The following FUNDC2 variants were observed in gnomAD, a reference collection of about 807,000 sequenced individuals.
The protein encoded by FUNDC2 is FUN14 domain containing 2.
Under a neutral mutation model 15.6 loss-of-function variants are expected in FUNDC2, and 4 were observed. The ratio of observed to expected loss-of-function variants is 0.26; its 90% CI spans 0.13 to 0.59. FUNDC2 has a LOEUF of 0.59. FUNDC2 is among the 20% of genes least tolerant of loss of function. The probability of loss-of-function intolerance (pLI) is 0.90; values close to 1 mark genes in which losing one functional copy is unlikely to be tolerated. For synonymous variants in FUNDC2, 44 were observed against 56.9 expected, an observed-to-expected ratio of 0.77 and a Z score of 1.02; for missense variants, 98 against 149.7, an observed-to-expected ratio of 0.65 and a Z score of 1.80.
chrX:155,052,325 C>G (rs1569560232), intron 4 of FUNDC2, among the ~76,000 whole-genome samples: 1 of 112,314 alleles, frequency 8.9e-6, no homozygotes, highest in African/African-American at 3.2e-5. Flanking sequence ...AACCCCTGAT[C>G]TTGTTCATTA....
At chrX:155,027,120 G>C in intron 1 of FUNDC2, 49 bp downstream of exon 1, 1 of 1,060,544 alleles carries the variant, frequency 9.4e-7, no homozygotes, top group Non-Finnish European at 1.2e-6. Flanking sequence ...CCGCCTTCCT[G>C]GGCTCCGGAA....
At chrX:155,031,020 T>C (rs182440067) in intron 1 of FUNDC2, among the ~76,000 whole-genome samples, 34 of 111,639 alleles carry the variant, frequency 3.0e-4, no homozygotes, top group African/African-American at 1.1e-3. Flanking sequence ...ATTTTTTTCT[T>C]TGATTTTAAA....
chrX:155,051,914 T>C lies in FUNDC2; in HGVS notation c.492+113T>C, dbSNP rs1405514402. The C allele has an allele frequency of 8.0e-6, 6 of 753,934 alleles. No homozygotes were observed. The African/African-American group carries it at 1.3e-4, about 16-fold the overall frequency. The allele number at this position is 753,934 out of a possible 1,213,427, so 62.1% of individuals were successfully genotyped here. On this transcript the variant is annotated intron_variant, in intron 4 of 4. Coordinates refer to ENST00000369498, the MANE Select transcript of FUNDC2 (RefSeq NM_023934.4). ...CAGGGCTTAAGCATTACAAAGAACTTAGAGTAATGAGACAAAACTAACTTG... is the reference window on the plus strand; with the variant it reads ...CAGGGCTTAAGCATTACAAAGAACTCAGAGTAATGAGACAAAACTAACTTG...
chrX:155,050,862 G>C (rs1212140412), intron 3 of FUNDC2: 1 of 111,932 alleles, frequency 8.9e-6, no homozygotes, highest in African/African-American at 3.3e-5. Context: ...TCTCTAGTCT[G>C]TTTGGGTGAC....
chrX:155,054,574 T>C (rs1557290714), intron 4 of FUNDC2, 21 bp from the exon 5 acceptor site: 1 of 1,210,153 alleles, frequency 8.3e-7, no homozygotes, highest in Admixed American at 2.2e-5. Context: ...AACAACCCAT[T>C]GTACTATCTT....
At chrX:155,037,972 AT>A (rs1439228780) in intron 2 of FUNDC2, among the ~76,000 whole-genome samples, 1 of 110,428 alleles carries the variant, frequency 9.1e-6, no homozygotes, top group Non-Finnish European at 1.9e-5. Flanking sequence ...CACACCTTTA[AT>A]ACCAGCACTT....
intron 2 of FUNDC2, among the ~76,000 whole-genome samples, chrX:155,039,337 C>A (rs985352516): frequency 3.6e-5 from 4 of 112,106 alleles, no homozygotes; most frequent in Non-Finnish European, 7.5e-5. Flanking sequence ...CTTTGCTGTA[C>A]AGAAGCTTTT....
chrX:155,054,385 C>G (rs2073887457), intron 4 of FUNDC2: 1 of 748,440 alleles, frequency 1.3e-6, no homozygotes, highest in African/African-American at 2.3e-5. Context: ...TCTCCCCACA[C>G]CAGCCAGTAG....
chrX:155,058,889 A>G lies in FUNDC2; in HGVS notation c.*4217A>G, dbSNP rs2073918039. The G allele has an allele frequency of 9.0e-6, 1 of 111,199 alleles. No individual in the cohort carries two copies. The allele number at this position is 111,199 out of a possible 1,213,427, so 9.2% of individuals were successfully genotyped here. A position where few individuals can be genotyped will look rare whatever the true frequency, so the allele number is the denominator to read the frequency against. On this transcript the variant is annotated 3_prime_UTR_variant, in exon 5 of 5. Transcript: ENST00000369498. ...ATAAAGCTTTAAAGTCAGTTTACTG[A>G]CTTTTCAAAAGTGTCTACCTTTTTA...
Position 155,054,693 on chromosome X carries a change from T to C in FUNDC2, c.*21T>C. The C allele has an allele frequency of 8.5e-7, 1 of 1,178,803 alleles. No homozygotes were observed. The highest frequency in any genetic ancestry group is 1.2e-6 in the Non-Finnish European group (1 of 865,968). ...CCTAAGGAAGATGACCTCATGTTCA[T>C]TGTTCCTGGTTTTTTCCAGCCAGCA... On this transcript the variant is annotated 3_prime_UTR_variant, in exon 5 of 5. Transcript: ENST00000369498.
rs991834918 is a variant in FUNDC2 at position 155,054,734 on chromosome X, C to T, written c.*62C>T. On this transcript the variant is annotated 3_prime_UTR_variant, in exon 5 of 5. Transcript: ENST00000369498. ...CCAGCCAGCAGCCTCTACACTCCAT[C>T]ATAGGACATCGAGTCCCTCCTCCTC... 7 of 969,714 alleles carry T rather than the reference C, an allele frequency of 7.2e-6. No homozygotes were observed. Among genetic ancestry groups the T allele is most frequent in the Non-Finnish European group, 1.0e-5 (7 of 678,530 alleles). The allele number at this position is 969,714 out of a possible 1,213,427, so 79.9% of individuals were successfully genotyped here. A position where few individuals can be genotyped will look rare whatever the true frequency, so the allele number is the denominator to read the frequency against.
At chrX:155,053,587 A>T (rs4526544) in intron 4 of FUNDC2, among the ~76,000 whole-genome samples, 37,214 of 109,799 alleles carry the variant, frequency 0.34, 5,262 homozygotes, top group African/African-American at 0.51. Flanking sequence ...TCCAGGAGAG[A>T]TGGAGGAGGA....
At position 155,054,769 on chromosome X, in the gene FUNDC2, G is replaced by C; in HGVS notation, c.*97G>C. ...CGAGTCCCTCCTCCTCTTCTCCCAT[G>C]CCTTCTTCCCTGCCATGGCAAATCT... On this transcript the variant is annotated 3_prime_UTR_variant, in exon 5 of 5. Coordinates refer to ENST00000369498, the MANE Select transcript of FUNDC2 (RefSeq NM_023934.4). 1 of 752,888 alleles carries C rather than the reference G, an allele frequency of 1.3e-6. No individual in the cohort carries two copies. Among genetic ancestry groups the C allele is most frequent in the Non-Finnish European group, 2.0e-6 (1 of 490,767 alleles). The allele number at this position is 752,888 out of a possible 1,213,427, so 62.0% of individuals were successfully genotyped here.
In FUNDC2 at chrX:155,057,938, C is replaced by A. The variant is rs1013632245; in HGVS notation, c.*3266C>A. On this transcript the variant is annotated 3_prime_UTR_variant, in exon 5 of 5. Transcript: ENST00000369498. ...AGTCTCCCCCAAGAATGTGTATCCT[C>A]ATTGCTGACACGGGAGCTGGGTGCG... is the stretch of plus-strand genomic sequence containing the variant. 1.8e-5 allele frequency: 2 copies of A among 111,665 alleles called. No individual in the cohort carries two copies. Among genetic ancestry groups the A allele is most frequent in the African/African-American group, 3.3e-5 (1 of 30,650 alleles). The allele number at this position is 111,665 out of a possible 1,213,427, so 9.2% of individuals were successfully genotyped here. A position where few individuals can be genotyped will look rare whatever the true frequency, so the allele number is the denominator to read the frequency against.
intron 4 of FUNDC2, chrX:155,053,734 G>A: frequency 1.8e-6 from 1 of 545,207 alleles, no homozygotes; most frequent in Non-Finnish European, 2.2e-6. Flanking sequence ...TAGCTTAGGT[G>A]GTTTGGGGAT....
In FUNDC2 at chrX:155,058,664, T is replaced by C; in HGVS notation, c.*3992T>C. The C allele has an allele frequency of 9.1e-6, 1 of 110,263 alleles. No homozygotes were observed. The highest frequency in any genetic ancestry group is 1.9e-5 in the Non-Finnish European group (1 of 52,832). The allele number at this position is 110,263 out of a possible 1,213,427, so 9.1% of individuals were successfully genotyped here. A position where few individuals can be genotyped will look rare whatever the true frequency, so the allele number is the denominator to read the frequency against. On this transcript the variant is annotated 3_prime_UTR_variant, in exon 5 of 5. Transcript: ENST00000369498. ...TCAGAAATCAGGCCCAGAACTAAAA[T>C]ACATTTTCTGCCCAATTTTCTAAGA...
rs2073856064 is a variant in FUNDC2 at position 155,044,337 on chromosome X, C to T, written c.285-2172C>T. On this transcript the variant is annotated intron_variant, in intron 2 of 4. Transcript: ENST00000369498. ...AGACCCAGCAGATAGAAAGTGAATA[C>T]ACAGAGCAAAGAGGTTCTAGGACTG... Among the ~76,000 whole-genome samples, 4 of 111,661 alleles carry T rather than the reference C, an allele frequency of 3.6e-5. 1 individual carries two copies. The South Asian group carries it at 1.5e-3, about 42-fold the overall frequency.
In FUNDC2 at chrX:155,059,478, A is replaced by G. The variant is rs1195819577; in HGVS notation, c.*4806A>G. ...TTTGGTTTCTAAAATGGGAGATCAT[A>G]GTTTTCACCTTCCTAGAGTTCTTTG... On this transcript the variant is annotated 3_prime_UTR_variant, in exon 5 of 5. Transcript: ENST00000369498. 1 of 108,996 alleles carries G rather than the reference A, an allele frequency of 9.2e-6. No individual in the cohort carries two copies. Among genetic ancestry groups the G allele is most frequent in the Non-Finnish European group, 1.9e-5 (1 of 52,305 alleles). 9.0% of individuals were successfully genotyped at this position (108,996 alleles called of 1,213,427 possible).
chrX:155,035,546 A>T (rs1240425780), intron 2 of FUNDC2, among the ~76,000 whole-genome samples: 1 of 111,458 alleles, frequency 9.0e-6, no homozygotes, highest in East Asian at 2.8e-4. Context: ...TTGTAATTCC[A>T]CGCTCTTTCC....
Sources: gnomAD v4.1 joint callset for allele counts (sites outside exome capture counted in the v4.1 genomes callset) on GRCh38, gnomAD v4.1.1 for gene constraint, MANE v1.5 for transcripts, NCBI Gene and HGNC (gene_info 2026-07-23, HGNC 2026-07-21) for gene names.